Variants in PCDH9 observed in about 807,000 individuals in gnomAD.
The protein encoded by PCDH9 is protocadherin-9.
A neutral mutation model predicts 70.6 loss-of-function variants in PCDH9; 24 were observed. The ratio of observed to expected loss-of-function variants is 0.34; its 90% CI spans 0.25 to 0.48. The LOEUF (loss-of-function observed/expected upper bound fraction) is 0.48, where lower values mean the gene tolerates loss of function less well. Ranked by LOEUF, PCDH9 falls within the 20% of genes least tolerant of loss-of-function variation. PCDH9 has a pLI of 0.99. For synonymous variants in PCDH9, 562 were observed against 558.5 expected, an observed-to-expected ratio of 1.01 and a Z score of -0.09; for missense variants, 1,281 against 1,503.6, an observed-to-expected ratio of 0.85 and a Z score of 2.45.
chr13:67,050,317 A>C (rs1436431043), intron 2 of PCDH9, among the ~76,000 whole-genome samples: 1 of 152,154 alleles, frequency 6.6e-6, no homozygotes, highest in African/African-American at 2.4e-5. Flanking sequence ...GGTAGGGGAA[A>C]AAAAATGCAA....
Position 66,556,441 on chromosome 13 carries a change from T to C in PCDH9, c.3340+74769A>G, listed in dbSNP as rs184814526. On this transcript the variant is annotated intron_variant, in intron 4 of 4. Coordinates refer to ENST00000377865, the MANE Select transcript of PCDH9 (RefSeq NM_203487.3). ...TGAGAAAAAGAGACAGGCTGGAGAA[T>C]TGGAATTTTTATTAGCCTGAAAATG... Among the ~76,000 whole-genome samples the C allele has an allele frequency of 3.1e-4, 47 of 152,232 alleles. 1 individual carries two copies. The highest frequency in any genetic ancestry group is 3.0e-3 in the Admixed American group (46 of 15,294).
intron 2 of PCDH9, among the ~76,000 whole-genome samples, chr13:67,139,395 C>G (rs1349797129): frequency 1.3e-5 from 2 of 152,106 alleles, no homozygotes; most frequent in Admixed American, 1.3e-4. Context: ...AGCAAATTCC[C>G]CATTTGATTC....
chr13:67,072,235 CCT>C (rs1221667752), intron 2 of PCDH9, among the ~76,000 whole-genome samples: 2 of 152,076 alleles, frequency 1.3e-5, no homozygotes, highest in Admixed American at 6.6e-5. Context: ...ACCATTTCCC[CCT>C]GAGGCCACAA....
At chr13:66,722,945 G>A (rs2078960375) in intron 3 of PCDH9, among the ~76,000 whole-genome samples, 1 of 145,182 alleles carries the variant, frequency 6.9e-6, no homozygotes. Flanking sequence ...TCCAGCCTGA[G>A]CATCAGAGCC....
chr13:66,309,621 GCACT>G (rs1456637420), intron 4 of PCDH9, among the ~76,000 whole-genome samples: 1 of 151,766 alleles, frequency 6.6e-6, no homozygotes, highest in African/African-American at 2.4e-5. Context: ...AAAATTATAT[GCACT>G]AAACTGTAAT....
At chr13:66,754,536 C>A (rs538059373) in intron 3 of PCDH9, among the ~76,000 whole-genome samples, 3 of 151,808 alleles carry the variant, frequency 2.0e-5, no homozygotes, top group Non-Finnish European at 4.4e-5. Flanking sequence ...TTTCAAGAAA[C>A]AGTTTATGAA....
intron 4 of PCDH9, among the ~76,000 whole-genome samples, chr13:66,603,200 G>C (rs73194765): frequency 0.016 from 1,895 of 116,930 alleles, 267 homozygotes; most frequent in Non-Finnish European, 0.029. Context: ...ACTAATAATT[G>C]ACTTAGTGCT....
intron 3 of PCDH9, among the ~76,000 whole-genome samples, chr13:66,735,597 G>A (rs2079136132): frequency 6.6e-6 from 1 of 152,186 alleles, no homozygotes; most frequent in Non-Finnish European, 1.5e-5. Context: ...ATTAGAGTCA[G>A]AATTTCATGA....
chr13:67,087,249 A>G (rs947616251), intron 2 of PCDH9, among the ~76,000 whole-genome samples: 6 of 152,134 alleles, frequency 3.9e-5, no homozygotes, highest in African/African-American at 1.4e-4. Flanking sequence ...GAAGGGGCTT[A>G]ACTGTTCCCT....
At chr13:67,140,109 T>C (rs904427950) in intron 2 of PCDH9, among the ~76,000 whole-genome samples, 1 of 130,794 alleles carries the variant, frequency 7.6e-6, no homozygotes, top group Admixed American at 9.9e-5. Context: ...GAAAAGAGCA[T>C]GCTTGCTAGC....
chr13:66,704,859 C>A (rs1162068663), intron 3 of PCDH9, among the ~76,000 whole-genome samples: 1 of 152,010 alleles, frequency 6.6e-6, no homozygotes, highest in African/African-American at 2.4e-5. Flanking sequence ...ATACATTTTT[C>A]TTCATTTGGC....
intron 2 of PCDH9, among the ~76,000 whole-genome samples, chr13:67,127,574 G>T (rs1346566867): frequency 6.6e-6 from 1 of 151,826 alleles, no homozygotes; most frequent in Non-Finnish European, 1.5e-5. Context: ...ACAAAGGCTT[G>T]TGTTGTGGGG....
intron 4 of PCDH9, among the ~76,000 whole-genome samples, chr13:66,305,772 A>C (rs1955454497): frequency 1.3e-5 from 2 of 152,094 alleles, no homozygotes; most frequent in Non-Finnish European, 2.9e-5. Flanking sequence ...TAAGGTATAA[A>C]ACTGAAGCTA....
intron 4 of PCDH9, among the ~76,000 whole-genome samples, chr13:66,486,504 C>T (rs1167862156): frequency 6.6e-6 from 1 of 151,866 alleles, no homozygotes. Flanking sequence ...GGCATGATGG[C>T]ATATGCCTGT....
At chr13:67,086,221 C>T (rs2086104751) in intron 2 of PCDH9, among the ~76,000 whole-genome samples, 1 of 152,130 alleles carries the variant, frequency 6.6e-6, no homozygotes, top group African/African-American at 2.4e-5. Context: ...GCCTCATTTG[C>T]ATGTTTCCAA....
chr13:66,472,268 T>A (rs1409395106), intron 4 of PCDH9, among the ~76,000 whole-genome samples: 1 of 151,460 alleles, frequency 6.6e-6, no homozygotes, highest in African/African-American at 2.4e-5. Context: ...TGGTTCACCT[T>A]TGCCTGAAAG....
chr13:66,469,638 TTA>T (rs1958579867), intron 4 of PCDH9, among the ~76,000 whole-genome samples: 2 of 152,160 alleles, frequency 1.3e-5, no homozygotes, highest in African/African-American at 4.8e-5. Flanking sequence ...CGTGTTTTAA[TTA>T]TATTATATTT....
At chr13:66,512,309 A>G (rs1959518798) in intron 4 of PCDH9, among the ~76,000 whole-genome samples, 1 of 146,310 alleles carries the variant, frequency 6.8e-6, no homozygotes, top group Non-Finnish European at 1.5e-5. Context: ...TATATACACA[A>G]TAAGAATTCA....
At chr13:66,796,345 AC>A (rs967637581) in intron 3 of PCDH9, among the ~76,000 whole-genome samples, 2 of 152,162 alleles carry the variant, frequency 1.3e-5, no homozygotes, top group African/African-American at 4.8e-5. Context: ...ATGGAAGCCT[AC>A]CATGGAACAA....
Sources: gnomAD v4.1 joint callset for allele counts (sites outside exome capture counted in the v4.1 genomes callset) on GRCh38, gnomAD v4.1.1 for gene constraint, MANE v1.5 for transcripts, NCBI Gene and HGNC (gene_info 2026-07-23, HGNC 2026-07-21) for gene names.